The following DPY19L4 variants were observed in gnomAD, a reference collection of about 807,000 sequenced individuals.
DPY19L4 encodes the protein dpy-19 like 4, also known as probable C-mannosyltransferase DPY19L4.
A neutral mutation model predicts 102.8 loss-of-function variants in DPY19L4; 97 were observed. The observed-to-expected ratio is 0.94, with a 90% CI of 0.80 to 1.12. The LOEUF (loss-of-function observed/expected upper bound fraction) is 1.12, where lower values mean the gene tolerates loss of function less well. Among genes scored for constraint, DPY19L4 ranks in the 50% most tolerant of loss-of-function variants. The probability of loss-of-function intolerance (pLI) is 0.00; values close to 1 mark genes in which losing one functional copy is unlikely to be tolerated. For missense variants in DPY19L4, 815 were observed against 850.4 expected, an observed-to-expected ratio of 0.96 and a Z score of 0.52; for synonymous variants, 252 against 283.1, an observed-to-expected ratio of 0.89 and a Z score of 1.10.
At chr8:94,789,572 G>T (rs918153158) in intron 18 of DPY19L4, among the ~76,000 whole-genome samples, 174 bp from the exon 19 acceptor site, 2 of 151,960 alleles carry the variant, frequency 1.3e-5, no homozygotes, top group Non-Finnish European at 2.9e-5. Context: ...GAGTATAGTG[G>T]GCATGGTGAC....
intron 7 of DPY19L4, among the ~76,000 whole-genome samples, chr8:94,759,500 C>CCTTT (rs1812310065): frequency 1.5e-5 from 1 of 67,562 alleles, no homozygotes; most frequent in African/African-American, 5.5e-5. Flanking sequence ...TCTACATGTT[C>CCTTT]TTTTTTTTTT....
chr8:94,730,378 T>G (rs1018847202), intron 2 of DPY19L4, among the ~76,000 whole-genome samples: 1 of 152,154 alleles, frequency 6.6e-6, no homozygotes, highest in African/African-American at 2.4e-5. Flanking sequence ...CCTTATTTTC[T>G]CTAAAATACA....
At chr8:94,779,148 TTCACTATG>T (rs1813316813) in intron 14 of DPY19L4, among the ~76,000 whole-genome samples, 1 of 152,050 alleles carries the variant, frequency 6.6e-6, no homozygotes, top group Non-Finnish European at 1.5e-5. Flanking sequence ...TTATTGAATG[TTCACTATG>T]TCAGGTACTG....
intron 10 of DPY19L4, 102 bp downstream of exon 10, chr8:94,765,911 G>T: frequency 1.4e-6 from 1 of 730,694 alleles, no homozygotes; most frequent in South Asian, 2.0e-5. Context: ...AATAGAGTTT[G>T]AACAGTATAA....
chr8:94,792,234 A>AT lies in DPY19L4; in HGVS notation c.*2330dup. 1 of 151,730 alleles carries AT rather than the reference A, an allele frequency of 6.6e-6. No homozygotes were observed. The highest frequency in any genetic ancestry group is 2.1e-4 in the South Asian group (1 of 4,810). The allele number at this position is 151,730 out of a possible 1,614,324, so 9.4% of individuals were successfully genotyped here. ...GTGCCTTGAATTTATTATTATTATT[A>AT]TTTTTTATTTTTTTGAGATGGAGTT... On this transcript the variant is annotated 3_prime_UTR_variant, in exon 19 of 19. Coordinates refer to ENST00000414645, the MANE Select transcript of DPY19L4 (RefSeq NM_181787.3).
chr8:94,779,147 G>A (rs769144670), intron 14 of DPY19L4, among the ~76,000 whole-genome samples: 72 of 151,052 alleles, frequency 4.8e-4, no homozygotes, highest in Non-Finnish European at 8.8e-4. Flanking sequence ...TTTATTGAAT[G>A]TTCACTATGT....
chr8:94,777,276 A>G (rs1330351584), intron 13 of DPY19L4, among the ~76,000 whole-genome samples: 1 of 152,022 alleles, frequency 6.6e-6, no homozygotes, highest in East Asian at 1.9e-4. Flanking sequence ...TGTGTTGCCC[A>G]GGCTGGTCCC....
chr8:94,782,291 T>C (rs1314091571), intron 16 of DPY19L4, among the ~76,000 whole-genome samples: 2 of 152,214 alleles, frequency 1.3e-5, no homozygotes, highest in African/African-American at 4.8e-5. Context: ...GCCCTCTGTC[T>C]CTCATCATCT....
rs534840363 is a variant in DPY19L4 at position 94,780,069 on chromosome 8, A to G, written c.1576-290A>G. On this transcript the variant is annotated intron_variant, in intron 14 of 18. Transcript: ENST00000414645. ...ACATAAATTTCTGGCAAATTTTTCAAGTATCCACTTGCCATTTGAAATATT... is the reference window on the plus strand; with the variant it reads ...ACATAAATTTCTGGCAAATTTTTCAGGTATCCACTTGCCATTTGAAATATT... Among the ~76,000 whole-genome samples the G allele has an allele frequency of 3.9e-5, 6 of 152,266 alleles. No individual in the cohort carries two copies. The East Asian group carries it at 1.2e-3, about 29-fold the overall frequency.
At chr8:94,774,864 A>G (rs13255568) in intron 13 of DPY19L4, among the ~76,000 whole-genome samples, 2 of 152,002 alleles carry the variant, frequency 1.3e-5, no homozygotes, top group African/African-American at 4.8e-5. Context: ...GCCATGAGCC[A>G]CCGCGCCCAG....
At chr8:94,739,570 C>G in intron 5 of DPY19L4, 36 bp downstream of exon 5, 1 of 1,597,520 alleles carries the variant, frequency 6.3e-7, no homozygotes, top group Non-Finnish European at 8.5e-7. Flanking sequence ...TATTTATTTT[C>G]TCATGTATTC....
intron 11 of DPY19L4, among the ~76,000 whole-genome samples, chr8:94,767,295 C>CTTT (rs5893296): frequency 3.0e-5 from 4 of 132,722 alleles, no homozygotes; most frequent in African/African-American, 5.6e-5. Flanking sequence ...AACCAGGAGT[C>CTTT]TTTTTTTTTT....
intron 6 of DPY19L4, among the ~76,000 whole-genome samples, chr8:94,740,175 G>C (rs975007015): frequency 6.6e-6 from 1 of 152,194 alleles, no homozygotes; most frequent in African/African-American, 2.4e-5. Context: ...CTTGATTTTA[G>C]CTTAGGGATA....
intron 2 of DPY19L4, among the ~76,000 whole-genome samples, chr8:94,732,814 T>TC (rs1459312654): frequency 1.6e-4 from 24 of 147,510 alleles, no homozygotes; most frequent in African/African-American, 5.4e-4. Context: ...TTTCTTTCTT[T>TC]TTTTTTTTTT....
intron 13 of DPY19L4, 61 bp from the exon 14 acceptor site, chr8:94,777,605 A>C (rs1813240568): frequency 1.9e-6 from 3 of 1,540,080 alleles, no homozygotes; most frequent in Middle Eastern, 2.1e-4. Flanking sequence ...CAGAGAACAA[A>C]AATTAGATAA....
chr8:94,734,843 T>G (rs1179598838), intron 3 of DPY19L4, 89 bp downstream of exon 3: 1 of 1,552,346 alleles, frequency 6.4e-7, no homozygotes, highest in Non-Finnish European at 8.7e-7. Context: ...GCTGTCTTAT[T>G]TATGGCTATT....
chr8:94,742,849 C>T (rs1008767222), intron 6 of DPY19L4, among the ~76,000 whole-genome samples: 3 of 151,366 alleles, frequency 2.0e-5, no homozygotes, highest in Non-Finnish European at 2.9e-5. Flanking sequence ...TGAGCCACCG[C>T]GCCCGGCCAA....
At chr8:94,778,043 C>A (rs1813265672) in intron 14 of DPY19L4, among the ~76,000 whole-genome samples, 1 of 151,934 alleles carries the variant, frequency 6.6e-6, no homozygotes, top group South Asian at 2.1e-4. Flanking sequence ...CCAGTCTGGC[C>A]AACATGGTAA....
rs1813936125 is a variant in DPY19L4 at position 94,793,499 on chromosome 8, AT to A, written c.*3592del. On this transcript the variant is annotated 3_prime_UTR_variant, in exon 19 of 19. Coordinates refer to ENST00000414645, the MANE Select transcript of DPY19L4 (RefSeq NM_181787.3). Reference sequence around the variant, plus strand: ...GTGTATGTTATTAATTAATCTGCATATTTGTAACGCAAATAACTACTTCCTG... The same window carrying A: ...GTGTATGTTATTAATTAATCTGCATATTGTAACGCAAATAACTACTTCCTG... 1 of 152,212 alleles carries A rather than the reference AT, an allele frequency of 6.6e-6. No homozygotes were observed. Among genetic ancestry groups the A allele is most frequent in the African/African-American group, 2.4e-5 (1 of 41,466 alleles). The allele number at this position is 152,212 out of a possible 1,614,324, so 9.4% of individuals were successfully genotyped here. A position where few individuals can be genotyped will look rare whatever the true frequency, so the allele number is the denominator to read the frequency against.
Sources: allele counts gnomAD v4.1 joint callset (sites outside exome capture counted in the v4.1 genomes callset), GRCh38; gene constraint gnomAD v4.1.1; transcripts MANE v1.5; gene names NCBI Gene and HGNC (gene_info 2026-07-23, HGNC 2026-07-21).